The following PRKCH variants were observed in gnomAD, a reference collection of about 807,000 sequenced individuals.
The protein encoded by PRKCH is protein kinase C eta.
PRKCH carries 28 observed loss-of-function variants against 82.5 expected under a neutral mutation model. The observed-to-expected ratio is 0.34, with a 90% CI of 0.25 to 0.47. PRKCH has a LOEUF of 0.47. Among genes scored for constraint, PRKCH ranks in the 20% least tolerant of loss-of-function variants. The probability of loss-of-function intolerance (pLI) is 1.00; values close to 1 mark genes in which losing one functional copy is unlikely to be tolerated. For missense variants in PRKCH, 705 were observed against 881.8 expected, an observed-to-expected ratio of 0.80 and a Z score of 2.54; for synonymous variants, 322 against 327.4, an observed-to-expected ratio of 0.98 and a Z score of 0.18.
At chr14:61,433,559 C>G (rs1278955819) in intron 2 of PRKCH, among the ~76,000 whole-genome samples, 1 of 152,074 alleles carries the variant, frequency 6.6e-6, no homozygotes, top group Non-Finnish European at 1.5e-5. Flanking sequence ...AGAACAGTCC[C>G]TGAGCTTCAA....
chr14:61,250,297 T>C lies in PRKCH; in HGVS notation c.-19+62629T>C, dbSNP rs145499477. On this transcript the variant is annotated intron_variant, in intron 1 of 3. Transcript: ENST00000555185. Reference sequence around the variant, plus strand: ...AATAAATAAATCTGGACACGGATGTTGATAGCAGCTTTATTCATAATTGCC... The same window carrying C: ...AATAAATAAATCTGGACACGGATGTCGATAGCAGCTTTATTCATAATTGCC... Among the ~76,000 whole-genome samples, 578 of 149,662 alleles carry C rather than the reference T, an allele frequency of 3.9e-3. 4 individuals carry two copies. Among genetic ancestry groups the C allele is most frequent in the African/African-American group, 0.014 (550 of 40,290 alleles).
At chr14:61,387,133 G>T (rs2046600121) in intron 1 of PRKCH, among the ~76,000 whole-genome samples, 1 of 152,228 alleles carries the variant, frequency 6.6e-6, no homozygotes, top group African/African-American at 2.4e-5. Flanking sequence ...GCGAGATCTT[G>T]TCCCTTCCTT....
chr14:61,504,918 T>C (rs1214956782), intron 10 of PRKCH, among the ~76,000 whole-genome samples: 1 of 152,174 alleles, frequency 6.6e-6, no homozygotes, highest in East Asian at 1.9e-4. Context: ...CAAATGTTAA[T>C]TGAGACCTAT....
At chr14:61,318,342 C>A (rs552399231), upstream of PRKCH, among the ~76,000 whole-genome samples, 2 of 151,730 alleles carry the variant, frequency 1.3e-5, no homozygotes, top group South Asian at 4.2e-4. Flanking sequence ...AACACAGGCA[C>A]GTGCCCTGGC....
chr14:61,498,381 C>A (rs1449834322), intron 10 of PRKCH, among the ~76,000 whole-genome samples: 2 of 152,110 alleles, frequency 1.3e-5, no homozygotes, highest in African/African-American at 4.8e-5. Context: ...AAATTGGTAA[C>A]CTGCTGTTTT....
intron 9 of PRKCH, among the ~76,000 whole-genome samples, chr14:61,470,963 C>T (rs1186091604): frequency 1.3e-5 from 2 of 152,146 alleles, no homozygotes; most frequent in African/African-American, 4.8e-5. Context: ...GAGCCACAGA[C>T]TCCACGGTTT....
At chr14:61,530,718 T>G (rs903607572) in intron 12 of PRKCH, 123 bp downstream of exon 12, 11 of 899,282 alleles carry the variant, frequency 1.2e-5, no homozygotes, top group Non-Finnish European at 3.2e-6. Flanking sequence ...TTTGTATTGT[T>G]CTAATCTAAA....
intron 10 of PRKCH, among the ~76,000 whole-genome samples, chr14:61,497,082 A>C (rs899640320): frequency 4.6e-5 from 7 of 152,186 alleles, no homozygotes; most frequent in African/African-American, 1.4e-4. Context: ...TTATATCCTC[A>C]TACATATTTA....
chr14:61,317,904 T>C (rs557340154), upstream of PRKCH, among the ~76,000 whole-genome samples: 1 of 152,264 alleles, frequency 6.6e-6, no homozygotes, highest in East Asian at 1.9e-4. Context: ...CAAATTTGTC[T>C]TTAGCTAAGA....
At chr14:61,513,241 A>T (rs1167230549) in intron 10 of PRKCH, among the ~76,000 whole-genome samples, 1 of 152,196 alleles carries the variant, frequency 6.6e-6, no homozygotes, top group African/African-American at 2.4e-5. Context: ...TTAAGGTAAG[A>T]AACTCAGAGC....
At chr14:61,364,036 A>T (rs1050278584) in intron 1 of PRKCH, among the ~76,000 whole-genome samples, 3 of 145,410 alleles carry the variant, frequency 2.1e-5, no homozygotes, top group Admixed American at 6.9e-5. Flanking sequence ...GTATATATAT[A>T]ATATATATAT....
intron 1 of PRKCH, among the ~76,000 whole-genome samples, chr14:61,218,010 T>C (rs1011602712): frequency 5.3e-5 from 8 of 152,222 alleles, no homozygotes; most frequent in African/African-American, 1.7e-4. Flanking sequence ...GTTATGTTCA[T>C]GGTCAGTAGA....
intron 1 of PRKCH, among the ~76,000 whole-genome samples, chr14:61,220,846 A>G (rs1400838563): frequency 6.6e-6 from 1 of 152,226 alleles, no homozygotes; most frequent in East Asian, 1.9e-4. Flanking sequence ...GCAAAGATAC[A>G]GAATTTAAAG....
chr14:61,459,596 A>G (rs1884938156), intron 9 of PRKCH, among the ~76,000 whole-genome samples: 1 of 152,230 alleles, frequency 6.6e-6, no homozygotes. Flanking sequence ...AAGTGGAAGC[A>G]GAGGAATGAC....
chr14:61,458,881 G>A (rs1200984676), intron 9 of PRKCH, among the ~76,000 whole-genome samples: 2 of 152,036 alleles, frequency 1.3e-5, no homozygotes, highest in South Asian at 2.1e-4. Context: ...CTCCCACCAG[G>A]CCCTTCCCCA....
At chr14:61,370,625 T>G (rs2046353748) in intron 1 of PRKCH, among the ~76,000 whole-genome samples, 1 of 152,138 alleles carries the variant, frequency 6.6e-6, no homozygotes, top group South Asian at 2.1e-4. Flanking sequence ...GGGCACAATA[T>G]CATTCATATT....
intron 1 of PRKCH, among the ~76,000 whole-genome samples, chr14:61,250,179 G>A (rs908995627): frequency 2.0e-5 from 3 of 150,990 alleles, no homozygotes; most frequent in African/African-American, 7.3e-5. Flanking sequence ...AGAATCACTT[G>A]AACAGAGGTT....
At chr14:61,409,580 A>G (rs1207513614) in intron 2 of PRKCH, among the ~76,000 whole-genome samples, 1 of 151,752 alleles carries the variant, frequency 6.6e-6, no homozygotes, top group Non-Finnish European at 1.5e-5. Context: ...GTGCACCTGT[A>G]TTCCCAGTTA....
intron 1 of PRKCH, among the ~76,000 whole-genome samples, chr14:61,273,606 C>A (rs1168394597): frequency 6.6e-6 from 1 of 152,148 alleles, no homozygotes; most frequent in Non-Finnish European, 1.5e-5. Context: ...CTAATGTAAC[C>A]CATCTGCTAT....
Sources: gnomAD v4.1 joint callset for allele counts (sites outside exome capture counted in the v4.1 genomes callset) on GRCh38, gnomAD v4.1.1 for gene constraint, MANE v1.5 for transcripts, NCBI Gene and HGNC (gene_info 2026-07-23, HGNC 2026-07-21) for gene names.